The following SIN3B variants were observed in gnomAD, a reference collection of about 807,000 sequenced individuals.
The protein encoded by SIN3B is paired amphipathic helix protein Sin3b.
In SIN3B, 19 loss-of-function variants were observed where a neutral mutation model predicts 120.2. That is an observed-to-expected ratio of 0.16 (90% CI 0.11 to 0.23). The LOEUF is 0.23. Among genes scored for constraint, SIN3B ranks in the 10% least tolerant of loss-of-function variants. The pLI is 1.00. For synonymous variants in SIN3B, 654 were observed against 653.2 expected, an observed-to-expected ratio of 1.00 and a Z score of -0.02; for missense variants, 1,073 against 1,573.0, an observed-to-expected ratio of 0.68 and a Z score of 5.38.
At chr19:16,859,884 C>A (rs955518061) in intron 8 of SIN3B, among the ~76,000 whole-genome samples, 3 of 152,102 alleles carry the variant, frequency 2.0e-5, no homozygotes, top group Non-Finnish European at 2.9e-5. Flanking sequence ...ACGTGACCAC[C>A]CCGGGTTGGA....
At chr19:16,864,469 C>G (rs928554575) in intron 10 of SIN3B, among the ~76,000 whole-genome samples, 17 of 148,614 alleles carry the variant, frequency 1.1e-4, no homozygotes, top group Admixed American at 6.1e-4. Context: ...ACTGGAACCA[C>G]AAGTCCATAC....
intron 3 of SIN3B, among the ~76,000 whole-genome samples, chr19:16,836,919 G>T (rs951623340): frequency 6.6e-6 from 1 of 152,138 alleles, no homozygotes; most frequent in African/African-American, 2.4e-5. Flanking sequence ...TGGAGCAGGC[G>T]GTGACCCCTT....
intron 5 of SIN3B, 54 bp downstream of exon 5, chr19:16,847,167 C>T: frequency 6.4e-7 from 1 of 1,568,406 alleles, no homozygotes; most frequent in Non-Finnish European, 8.7e-7. Context: ...GGACGGAGGG[C>T]CCCAGCCAGC....
chr19:16,855,371 C>CCCA, intron 8 of SIN3B: 1 of 22,814 alleles, frequency 4.4e-5, no homozygotes, highest in Non-Finnish European at 1.0e-4. Flanking sequence ...GAGAAACCTT[C>CCCA]CCCCCCCCCC....
intron 8 of SIN3B, chr19:16,855,171 T>C (rs149191506): frequency 3.3e-5 from 5 of 152,312 alleles, no homozygotes; most frequent in African/African-American, 1.2e-4. Flanking sequence ...GCTTTCTCAC[T>C]GTGGAGGGTT....
chr19:16,849,543 G>T (rs1281411931), intron 5 of SIN3B, among the ~76,000 whole-genome samples: 1 of 152,150 alleles, frequency 6.6e-6, no homozygotes, highest in Non-Finnish European at 1.5e-5. Flanking sequence ...AGAACAACAG[G>T]CCCTGTGTTA....
intron 12 of SIN3B, among the ~76,000 whole-genome samples, chr19:16,868,188 C>A (rs149900697): frequency 6.6e-6 from 1 of 152,108 alleles, no homozygotes; most frequent in Non-Finnish European, 1.5e-5. Flanking sequence ...ACCTGGGGGA[C>A]TTAGGAAGCA....
rs1435280389 is a variant in SIN3B at position 16,879,021 on chromosome 19, CAT to C, written c.*295_*296del. ...ATCATGTTTGCGTCCCCGTCCGTCACATGTGCCAAATCCCTGGCAGGCAGATG... is the reference window on the plus strand; with the variant it reads ...ATCATGTTTGCGTCCCCGTCCGTCACGTGCCAAATCCCTGGCAGGCAGATG... On this transcript the variant is annotated 3_prime_UTR_variant, in exon 19 of 19. Coordinates refer to ENST00000248054, the MANE Select transcript of SIN3B (RefSeq NM_001297595.2). The C allele has an allele frequency of 2.3e-5, 11 of 483,318 alleles. No individual in the cohort carries two copies. The highest frequency in any genetic ancestry group is 1.1e-4 in the Admixed American group (3 of 26,376). 29.9% of individuals were successfully genotyped at this position (483,318 alleles called of 1,614,324 possible).
chr19:16,853,366 C>G (rs1048218703), intron 7 of SIN3B, among the ~76,000 whole-genome samples: 8 of 152,208 alleles, frequency 5.3e-5, no homozygotes, highest in Non-Finnish European at 8.8e-5. Context: ...GGCAGGAGTC[C>G]CAGTGGGTGC....
At chr19:16,848,890 G>A (rs1232727394) in intron 5 of SIN3B, among the ~76,000 whole-genome samples, 1 of 152,180 alleles carries the variant, frequency 6.6e-6, no homozygotes, top group African/African-American at 2.4e-5. Context: ...CTCCCACCTT[G>A]GCCTCCCAAA....
At position 16,862,565 on chromosome 19, in the gene SIN3B, G is replaced by T. The variant is rs759303069; in HGVS notation, c.1266+6G>T. ...GGACAGCCATCTGCAAGGAGGTAGC[G>T]CTCCCTGGGGCTCAAATGTTCGTTG... On this transcript the variant is annotated splice_donor_region_variant and intron_variant, in intron 9 of 18. Coordinates refer to ENST00000248054, the MANE Select transcript of SIN3B (RefSeq NM_001297595.2). The surrounding 1 kb of genome is among the most constrained non-coding windows in gnomAD (Gnocchi z 4.7). 10 of 1,609,368 alleles carry T rather than the reference G, an allele frequency of 6.2e-6. No individual in the cohort carries two copies. The highest frequency in any genetic ancestry group is 8.5e-6 in the Non-Finnish European group (10 of 1,178,502).
intron 3 of SIN3B, among the ~76,000 whole-genome samples, chr19:16,840,998 G>A (rs1200556746): frequency 6.6e-6 from 1 of 152,194 alleles, no homozygotes; most frequent in Non-Finnish European, 1.5e-5. Context: ...CCAGGCTGGA[G>A]GAATCCTGAC....
chr19:16,863,450 G>A (rs1971716855), intron 9 of SIN3B: 1 of 558,264 alleles, frequency 1.8e-6, no homozygotes, highest in Non-Finnish European at 3.2e-6. Flanking sequence ...TGTGGATTTG[G>A]GTCTTCAGGG....
In SIN3B at chr19:16,854,244, C is replaced by T. The variant is rs371783974; in HGVS notation, c.1041C>T (p.Leu347=). The change falls in exon 8 of 19, where the codon CTC becomes CTT. Residue 347 remains leucine (L), a synonymous_variant. Transcript: ENST00000248054. ...ELVSGSELLQ[L]VSPFLGKFPE... ...TGTCTGGCTCTGAGCTCCTGCAGCTCGTCAGCCCATTTCTGGGGTGAGCAG... is the reference window on the plus strand; with the variant it reads ...TGTCTGGCTCTGAGCTCCTGCAGCTTGTCAGCCCATTTCTGGGGTGAGCAG... 6 of 1,611,518 alleles carry T rather than the reference C, an allele frequency of 3.7e-6. No homozygotes were observed. The African/African-American group carries it at 4.0e-5, about 11-fold the overall frequency.
chr19:16,860,733 C>T (rs1971676891), intron 8 of SIN3B, among the ~76,000 whole-genome samples: 1 of 151,686 alleles, frequency 6.6e-6, no homozygotes, highest in South Asian at 2.1e-4. Flanking sequence ...CTCCCAGTAG[C>T]TGGGACTACA....
chr19:16,850,389 A>G (rs963448430), intron 5 of SIN3B, among the ~76,000 whole-genome samples: 2 of 152,178 alleles, frequency 1.3e-5, no homozygotes, highest in African/African-American at 4.8e-5. Flanking sequence ...ACTTTTTACA[A>G]AGCGACACAC....
intron 3 of SIN3B, among the ~76,000 whole-genome samples, chr19:16,838,771 A>G (rs1162944633): frequency 6.6e-6 from 1 of 151,606 alleles, no homozygotes; most frequent in African/African-American, 2.4e-5. Context: ...TCTCAGGTTC[A>G]AGCAATTCTC....
chr19:16,856,575 A>AT lies in SIN3B; in HGVS notation c.1058+2327dup, dbSNP rs920472871. ...AGCATGGAGAAAAATACACGTGAAG[A>AT]TTTTTTTTTTTTTCAAGACAGAGTC... On this transcript the variant is annotated intron_variant, in intron 8 of 18. Coordinates refer to ENST00000248054, the MANE Select transcript of SIN3B (RefSeq NM_001297595.2). Among the ~76,000 whole-genome samples the AT allele has an allele frequency of 3.4e-3, 502 of 146,510 alleles. 1 individual carries two copies. Among genetic ancestry groups the AT allele is most frequent in the Non-Finnish European group, 5.2e-3 (346 of 66,032 alleles).
At chr19:16,843,535 G>T (rs1971444153) in intron 4 of SIN3B, among the ~76,000 whole-genome samples, 1 of 152,198 alleles carries the variant, frequency 6.6e-6, no homozygotes, top group South Asian at 2.1e-4. Context: ...GGATGTGCTT[G>T]TGATCGTAGA....
Sources: allele counts gnomAD v4.1 joint callset (sites outside exome capture counted in the v4.1 genomes callset), GRCh38; gene constraint gnomAD v4.1.1; non-coding constraint Gnocchi (gnomAD v3.1); transcripts MANE v1.5; gene names NCBI Gene and HGNC (gene_info 2026-07-23, HGNC 2026-07-21).